Variants in CALN1 observed in about 807,000 individuals in gnomAD.
CALN1 encodes the protein calneuron 1.
Under a neutral mutation model 30.6 loss-of-function variants are expected in CALN1, and 17 were observed. The observed-to-expected ratio is 0.56, with a 90% confidence interval of 0.38 to 0.83. CALN1 has a LOEUF of 0.83. Among genes scored for constraint, CALN1 ranks in the 40% least tolerant of loss-of-function variants. The probability of loss-of-function intolerance (pLI) is 0.00; values close to 1 mark genes in which losing one functional copy is unlikely to be tolerated. For synonymous variants in CALN1, 156 were observed against 131.4 expected (o/e 1.19, Z -1.28); for missense variants, 291 against 354.9 (o/e 0.82, Z 1.45).
At chr7:72,416,084 G>A (rs1807410572), upstream of CALN1, among the ~76,000 whole-genome samples, 1 of 152,172 alleles carries the variant, frequency 6.6e-6, no homozygotes, top group Non-Finnish European at 1.5e-5. Context: ...GTTGAGGTGG[G>A]AGGCAGGACT....
intron 4 of CALN1, among the ~76,000 whole-genome samples, chr7:72,034,366 A>AAG (rs1554418005): frequency 1.3e-5 from 2 of 150,988 alleles, no homozygotes; most frequent in Admixed American, 6.6e-5. Context: ...AAAAAAAAAA[A>AAG]AAAAGAAAAG....
At chr7:72,239,905 T>C (rs1361340571) in intron 3 of CALN1, among the ~76,000 whole-genome samples, 1 of 152,142 alleles carries the variant, frequency 6.6e-6, no homozygotes, top group Admixed American at 6.5e-5. Flanking sequence ...TCTTGTACAT[T>C]GCATGCCAGC....
At chr7:72,294,189 C>G (rs369827004) in intron 2 of CALN1, among the ~76,000 whole-genome samples, 3 of 152,110 alleles carry the variant, frequency 2.0e-5, no homozygotes, top group Non-Finnish European at 4.4e-5. Context: ...CTCCACCTCC[C>G]GCCGCCTTGA....
At chr7:72,261,427 C>CTTT (rs34736636) in intron 3 of CALN1, among the ~76,000 whole-genome samples, 4 of 149,078 alleles carry the variant, frequency 2.7e-5, no homozygotes, top group African/African-American at 9.9e-5. Context: ...ATTTCAGAAG[C>CTTT]TTTTTTTTTT....
At chr7:72,054,415 A>ACG in intron 4 of CALN1, among the ~76,000 whole-genome samples, 1 of 44,300 alleles carries the variant, frequency 2.3e-5, no homozygotes, top group African/African-American at 7.8e-5. Flanking sequence ...ATATATATAT[A>ACG]TACGTGTATA....
intron 2 of CALN1, among the ~76,000 whole-genome samples, chr7:72,292,664 T>C (rs1168184194): frequency 6.6e-6 from 1 of 150,486 alleles, no homozygotes; most frequent in Non-Finnish European, 1.5e-5. Flanking sequence ...CTACTAAAAA[T>C]ATAAAAATTA....
rs1045928990 is a variant in CALN1, at chr7:72,363,567, C to T, written c.119+39684G>A. On this transcript the variant is annotated intron_variant, in intron 2 of 6. Transcript: ENST00000395275. The stretch of plus-strand genomic sequence containing the variant: ...TTTTAAAAAGACAAATGCACATAAA[C>T]TTACTTTTTTTACAGAAAAAAGTAT... Among the ~76,000 whole-genome samples, 77 of 140,688 alleles carry T rather than the reference C, an allele frequency of 5.5e-4. 1 individual carries two copies. Among genetic ancestry groups the T allele is most frequent in the African/African-American group, 2.2e-3 (74 of 33,804 alleles). The allele number at this position is 140,688 out of a possible 152,430, so 92.3% of individuals were successfully genotyped here. A position where few individuals can be genotyped will look rare whatever the true frequency, so the allele number is the denominator to read the frequency against.
At chr7:72,287,592 G>T (rs75612456) in intron 2 of CALN1, among the ~76,000 whole-genome samples, 2 of 151,436 alleles carry the variant, frequency 1.3e-5, no homozygotes, top group African/African-American at 2.4e-5. Context: ...GACTACTGGC[G>T]CCCGCCACGA....
intron 2 of CALN1, among the ~76,000 whole-genome samples, chr7:72,355,673 C>CA (rs1803178570): frequency 6.6e-6 from 1 of 152,002 alleles, no homozygotes; most frequent in African/African-American, 2.4e-5. Flanking sequence ...CACAGGCAGG[C>CA]AAAAATTATT....
rs113943166 is a variant in CALN1, at chr7:72,054,508, T to C, written c.389-30739A>G. Among the ~76,000 whole-genome samples the C allele has an allele frequency of 2.2e-3, 256 of 115,000 alleles. 13 individuals are homozygous for C. Among genetic ancestry groups the C allele is most frequent in the African/African-American group, 9.7e-3 (212 of 21,948 alleles). The allele number at this position is 115,000 out of a possible 152,430, so 75.4% of individuals were successfully genotyped here. A position where few individuals can be genotyped will look rare whatever the true frequency, so the allele number is the denominator to read the frequency against. Reference sequence around the variant, plus strand: ...ATATATATACATATATACATATATATACATATATATACATATATACATACA... The same window carrying C: ...ATATATATACATATATACATATATACACATATATATACATATATACATACA... On this transcript the variant is annotated intron_variant, in intron 4 of 6. Transcript: ENST00000395275.
At chr7:72,363,954 C>G (rs573146048) in intron 2 of CALN1, among the ~76,000 whole-genome samples, 2 of 151,944 alleles carry the variant, frequency 1.3e-5, no homozygotes, top group Non-Finnish European at 2.9e-5. Flanking sequence ...AGGCTGGTCT[C>G]AAACCCCTGA....
chr7:71,932,856 G>C (rs373046976), intron 5 of CALN1, among the ~76,000 whole-genome samples: 2 of 151,486 alleles, frequency 1.3e-5, no homozygotes, highest in South Asian at 4.2e-4. Flanking sequence ...TAGAATCTAG[G>C]GGGGTATGGG....
intron 5 of CALN1, among the ~76,000 whole-genome samples, chr7:71,909,822 G>C (rs1282524313): frequency 2.6e-5 from 4 of 152,146 alleles, no homozygotes; most frequent in African/African-American, 9.6e-5. Context: ...TGAAGTCTCA[G>C]GTGATGATAA....
Position 72,271,575 on chromosome 7 carries a change from A to AAAAAATATATATATATATAT in CALN1, c.244+7110_244+7111insATATATATATATATATTTTT. 1.8e-3 allele frequency among the ~76,000 whole-genome samples: 95 copies of AAAAAATATATATATATATAT among 52,100 alleles called. 3 individuals are homozygous for AAAAAATATATATATATATAT. Among genetic ancestry groups the AAAAAATATATATATATATAT allele is most frequent in the East Asian group, 8.9e-3 (9 of 1,006 alleles). 34.2% of individuals were successfully genotyped at this position (52,100 alleles called of 152,430 possible). On this transcript the variant is annotated intron_variant, in intron 3 of 6. Transcript: ENST00000395275. ...CTGTGCCTGCCTTTTAAAAAAAAAA[A>AAAAAATATATATATATATAT]ATATATATATATATATATAGTTTTC...
At chr7:72,285,550 T>C (rs1460993189) in intron 2 of CALN1, among the ~76,000 whole-genome samples, 1 of 152,176 alleles carries the variant, frequency 6.6e-6, no homozygotes, top group Non-Finnish European at 1.5e-5. Flanking sequence ...GCTCTTACTG[T>C]ACTTTTTTAA....
chr7:71,823,185 TC>T (rs926674564), intron 5 of CALN1, among the ~76,000 whole-genome samples: 66 of 144,000 alleles, frequency 4.6e-4, no homozygotes, highest in African/African-American at 1.6e-3. Context: ...CGTCTCTCTC[TC>T]TTTTTTTTTT....
intron 3 of CALN1, among the ~76,000 whole-genome samples, chr7:72,235,452 A>G (rs534678554): frequency 6.6e-6 from 1 of 152,230 alleles, no homozygotes; most frequent in Admixed American, 6.5e-5. Flanking sequence ...GGCAACTCCT[A>G]AAGAAATAGC....
At chr7:72,413,211 ACACT>A (rs1218951601), upstream of CALN1, among the ~76,000 whole-genome samples, 3 of 151,564 alleles carry the variant, frequency 2.0e-5, no homozygotes, top group Non-Finnish European at 4.4e-5. Context: ...TCACACACAC[ACACT>A]CATACACACA....
chr7:72,296,208 G>A (rs1172469431), intron 2 of CALN1, among the ~76,000 whole-genome samples: 1 of 151,088 alleles, frequency 6.6e-6, no homozygotes, highest in Non-Finnish European at 1.5e-5. Flanking sequence ...TCCCAGGGAT[G>A]AAGCCCACTT....
Sources: gnomAD v4.1 joint callset for allele counts (sites outside exome capture counted in the v4.1 genomes callset) on GRCh38, gnomAD v4.1.1 for gene constraint, MANE v1.5 for transcripts, NCBI Gene and HGNC (gene_info 2026-07-23, HGNC 2026-07-21) for gene names.